Variants in RPS6KC1 observed in about 807,000 individuals in gnomAD.
RPS6KC1 encodes ribosomal protein S6 kinase C1, also known as inactive ribosomal protein S6 kinase delta-1.
A neutral mutation model predicts 103.8 loss-of-function variants in RPS6KC1; 54 were observed. The observed-to-expected ratio is 0.52, with a 90% CI of 0.42 to 0.65. The LOEUF (loss-of-function observed/expected upper bound fraction) is 0.65, where lower values mean the gene tolerates loss of function less well. Ranked by LOEUF, RPS6KC1 falls within the 30% of genes least tolerant of loss-of-function variation. The pLI, the probability that RPS6KC1 is intolerant of heterozygous loss-of-function variation, is 0.00. For synonymous variants in RPS6KC1, 439 were observed against 438.7 expected, an observed-to-expected ratio of 1.00 and a Z score of -0.01; for missense variants, 1,151 against 1,253.8, an observed-to-expected ratio of 0.92 and a Z score of 1.24.
the RPS6KC1 span, among the ~76,000 whole-genome samples, chr1:213,476,177 C>A: frequency 1.3e-5 from 2 of 152,294 alleles, no homozygotes; most frequent in East Asian, 3.9e-4. Context: ...AAACCTCAGG[C>A]ATCCTCCTTG....
the RPS6KC1 span, among the ~76,000 whole-genome samples, chr1:213,363,629 T>G: frequency 0.19 from 6,555 of 34,852 alleles, 386 homozygotes; most frequent in South Asian, 0.26. Flanking sequence ...TTGCTTGCTT[T>G]CTTTCTTTCT....
chr1:213,557,124 C>A, the RPS6KC1 span, among the ~76,000 whole-genome samples: 2 of 152,140 alleles, frequency 1.3e-5, no homozygotes. Flanking sequence ...CTCACCTTAT[C>A]CCTCTACTTT....
the RPS6KC1 span, among the ~76,000 whole-genome samples, chr1:213,399,789 C>T: frequency 6.6e-6 from 1 of 152,104 alleles, no homozygotes; most frequent in Non-Finnish European, 1.5e-5. Context: ...AAGAAGGGAG[C>T]TGGGGCGGGC....
intron 1 of RPS6KC1, among the ~76,000 whole-genome samples, chr1:213,066,848 G>A (rs1394542566): frequency 1.3e-5 from 2 of 152,100 alleles, no homozygotes; most frequent in Admixed American, 1.3e-4. Flanking sequence ...ATTTAATATT[G>A]TAAAAGGAAA....
chr1:213,092,191 G>A (rs2081030601), intron 3 of RPS6KC1, among the ~76,000 whole-genome samples: 1 of 152,168 alleles, frequency 6.6e-6, no homozygotes, highest in Admixed American at 6.5e-5. Flanking sequence ...AGGCCCTGCA[G>A]GGATCATCTG....
At chr1:213,799,097 A>C in the RPS6KC1 span, among the ~76,000 whole-genome samples, 1 of 152,226 alleles carries the variant, frequency 6.6e-6, no homozygotes, top group Non-Finnish European at 1.5e-5. Flanking sequence ...CATTTGGGAA[A>C]GTAGTCAGAA....
At chr1:213,663,766 T>C in the RPS6KC1 span, among the ~76,000 whole-genome samples, 1 of 152,134 alleles carries the variant, frequency 6.6e-6, no homozygotes, top group Admixed American at 6.5e-5. Context: ...CCCTGAGACT[T>C]GGCACTCACA....
chr1:213,225,710 C>CTGCTTCA (rs1294370549), intron 8 of RPS6KC1, among the ~76,000 whole-genome samples: 2 of 152,254 alleles, frequency 1.3e-5, no homozygotes, highest in Admixed American at 6.5e-5. Flanking sequence ...TTTATCTGAT[C>CTGCTTCA]TGCTTCATGC....
intron 10 of RPS6KC1, among the ~76,000 whole-genome samples, chr1:213,239,912 G>T (rs2094312246): frequency 6.6e-6 from 1 of 152,030 alleles, no homozygotes; most frequent in African/African-American, 2.4e-5. Flanking sequence ...TGTTTTAATG[G>T]TTAAAATAAA....
At chr1:213,220,028 A>C (rs2093787334) in intron 8 of RPS6KC1, among the ~76,000 whole-genome samples, 1 of 152,122 alleles carries the variant, frequency 6.6e-6, no homozygotes, top group African/African-American at 2.4e-5. Context: ...AACCCATCAT[A>C]TTTACCCAAA....
the RPS6KC1 span, among the ~76,000 whole-genome samples, chr1:213,861,723 A>G: frequency 6.6e-6 from 1 of 152,176 alleles, no homozygotes; most frequent in Non-Finnish European, 1.5e-5. Flanking sequence ...TTCAACATTT[A>G]TTTTGTTTTA....
At chr1:213,350,791 T>C in the RPS6KC1 span, among the ~76,000 whole-genome samples, 3 of 152,186 alleles carry the variant, frequency 2.0e-5, no homozygotes, top group Admixed American at 2.0e-4. Context: ...TGCCTTTTAG[T>C]TTTTTTCTTA....
At chr1:213,627,809 G>A in the RPS6KC1 span, among the ~76,000 whole-genome samples, 20 of 152,330 alleles carry the variant, frequency 1.3e-4, no homozygotes, top group Admixed American at 2.6e-4. Context: ...TTGATGTGCT[G>A]CTGGATTCAG....
the RPS6KC1 span, among the ~76,000 whole-genome samples, chr1:213,433,646 T>C: frequency 6.6e-6 from 1 of 152,242 alleles, no homozygotes. Flanking sequence ...CTTGGTTTTC[T>C]GTGTTTTTGA....
intron 8 of RPS6KC1, among the ~76,000 whole-genome samples, chr1:213,181,024 TG>T (rs1213376226): frequency 6.6e-6 from 1 of 152,172 alleles, no homozygotes; most frequent in Non-Finnish European, 1.5e-5. Flanking sequence ...GTGTCACCAC[TG>T]GGGGAAGCTG....
chr1:213,077,844 T>TA (rs751256909), intron 3 of RPS6KC1, 28 bp downstream of exon 3: 5 of 1,360,150 alleles, frequency 3.7e-6, no homozygotes, highest in East Asian at 2.6e-5. Flanking sequence ...AATTGTAATT[T>TA]AAAAAAATAA....
rs918989018 is a variant in RPS6KC1 at position 213,051,323 on chromosome 1, G to T, written c.-82G>T. 1.0e-5 allele frequency: 11 copies of T among 1,085,184 alleles called. No individual in the cohort carries two copies. The highest frequency in any genetic ancestry group is 5.0e-5 in the East Asian group (2 of 39,792). 67.2% of individuals were successfully genotyped at this position (1,085,184 alleles called of 1,614,324 possible). Reference sequence around the variant, plus strand: ...CGCCCCCTCGCCGCTTCGCCGCTGCGTTGGGGAACCTGGACCGCGGCGGCG... The same window carrying T: ...CGCCCCCTCGCCGCTTCGCCGCTGCTTTGGGGAACCTGGACCGCGGCGGCG... On this transcript the variant is annotated 5_prime_UTR_variant, in exon 1 of 15. Coordinates refer to ENST00000366960, the MANE Select transcript of RPS6KC1 (RefSeq NM_012424.6).
intron 6 of RPS6KC1, among the ~76,000 whole-genome samples, chr1:213,133,941 A>G (rs2085958739): frequency 6.6e-6 from 1 of 151,672 alleles, no homozygotes; most frequent in Non-Finnish European, 1.5e-5. Flanking sequence ...ATATTTGAAA[A>G]CTTTCTTATT....
In RPS6KC1 at chr1:213,155,849, C is replaced by A. The variant is rs190952101; in HGVS notation, c.836-12009C>A. 5.6e-3 allele frequency among the ~76,000 whole-genome samples: 857 copies of A among 152,118 alleles called. 10 individuals carry two copies. Among genetic ancestry groups the A allele is most frequent in the African/African-American group, 0.017 (718 of 41,498 alleles). ...TTTCTATTCTGCTGTCTTGTTCCAC[C>A]GTCCCCACTCTCTCAAATCGTAAAA... is the stretch of plus-strand genomic sequence containing the variant. On this transcript the variant is annotated intron_variant, in intron 6 of 14. Coordinates refer to ENST00000366960, the MANE Select transcript of RPS6KC1 (RefSeq NM_012424.6).
Sources: gnomAD v4.1 joint callset for allele counts (sites outside exome capture counted in the v4.1 genomes callset) on GRCh38, gnomAD v4.1.1 for gene constraint, MANE v1.5 for transcripts, NCBI Gene and HGNC (gene_info 2026-07-23, HGNC 2026-07-21) for gene names.